Variants in IMMP2L observed in about 807,000 individuals in gnomAD.
IMMP2L encodes the protein inner mitochondrial membrane peptidase subunit 2.
A neutral mutation model predicts 19.3 loss-of-function variants in IMMP2L; 18 were observed. That is an observed-to-expected ratio of 0.93 (90% CI 0.64 to 1.38). The LOEUF (loss-of-function observed/expected upper bound fraction) is 1.38. Ranked by LOEUF, IMMP2L falls within the 40% of genes most tolerant of loss-of-function variation. The pLI is 0.00. For missense variants in IMMP2L, 233 were observed against 218.2 expected (o/e 1.07, Z -0.43); for synonymous variants, 76 against 73.0 (o/e 1.04, Z -0.21).
chr7:111,392,048 G>A, intron 3 of IMMP2L: 1 of 698,762 alleles, frequency 1.4e-6, no homozygotes, highest in Non-Finnish European at 2.6e-6. Context: ...TTCATTACCA[G>A]CTTGATTGCA....
At chr7:110,789,189 C>A (rs1050613370) in intron 5 of IMMP2L, among the ~76,000 whole-genome samples, 5 of 151,780 alleles carry the variant, frequency 3.3e-5, no homozygotes, top group African/African-American at 7.3e-5. Context: ...TGGGTCTTCC[C>A]AACCAAGGCT....
intron 3 of IMMP2L, among the ~76,000 whole-genome samples, chr7:111,452,031 C>T (rs1180148647): frequency 1.3e-5 from 2 of 152,028 alleles, no homozygotes; most frequent in Admixed American, 6.6e-5. Context: ...TTCCTACTGT[C>T]CTTCAGTGTA....
intron 5 of IMMP2L, among the ~76,000 whole-genome samples, chr7:110,750,858 CCAAA>C (rs1448808353): frequency 1.3e-5 from 2 of 151,802 alleles, no homozygotes; most frequent in Non-Finnish European, 2.9e-5. Context: ...CCTTAGTAAT[CCAAA>C]CAAACAATAT....
chr7:111,512,843 C>A (rs2132583787), intron 2 of IMMP2L, among the ~76,000 whole-genome samples: 1 of 152,116 alleles, frequency 6.6e-6, no homozygotes, highest in Non-Finnish European at 1.5e-5. Flanking sequence ...CAAGAACATA[C>A]AATGAGGAAA....
At chr7:111,087,974 T>C (rs1458677080) in intron 3 of IMMP2L, among the ~76,000 whole-genome samples, 1 of 152,168 alleles carries the variant, frequency 6.6e-6, no homozygotes, top group East Asian at 1.9e-4. Flanking sequence ...GATAATACTT[T>C]TAAACCAAGA....
At chr7:111,269,967 C>T (rs1818268198) in intron 3 of IMMP2L, among the ~76,000 whole-genome samples, 2 of 151,990 alleles carry the variant, frequency 1.3e-5, no homozygotes, top group African/African-American at 2.4e-5. Context: ...TCAGGGCAGG[C>T]ATCACTCTTT....
chr7:110,793,725 T>C (rs1584850688), intron 5 of IMMP2L, among the ~76,000 whole-genome samples: 1 of 152,056 alleles, frequency 6.6e-6, no homozygotes, highest in Non-Finnish European at 1.5e-5. Context: ...AGAGAGTAGA[T>C]TTTAGGTGTT....
chr7:111,044,852 G>C (rs1449238453), intron 3 of IMMP2L, among the ~76,000 whole-genome samples: 1 of 152,026 alleles, frequency 6.6e-6, no homozygotes, highest in Non-Finnish European at 1.5e-5. Context: ...TAGACAGTGG[G>C]TAGTTGACAA....
At chr7:110,706,578 GT>G (rs1355394962) in intron 5 of IMMP2L, among the ~76,000 whole-genome samples, 1 of 152,116 alleles carries the variant, frequency 6.6e-6, no homozygotes, top group East Asian at 1.9e-4. Flanking sequence ...TCTCACTGTG[GT>G]TTTGATGTGC....
At chr7:110,778,139 G>A (rs1799514688) in intron 5 of IMMP2L, among the ~76,000 whole-genome samples, 2 of 151,872 alleles carry the variant, frequency 1.3e-5, no homozygotes, top group Admixed American at 1.3e-4. Context: ...TCATACAAAA[G>A]TTTTCCAGTG....
At chr7:111,517,618 A>G (rs11972448) in intron 2 of IMMP2L, among the ~76,000 whole-genome samples, 3,037 of 152,220 alleles carry the variant, frequency 0.02, 103 homozygotes, top group African/African-American at 0.069. Context: ...TCATTAAACT[A>G]TTCCTAGGGC....
chr7:111,027,611 A>C (rs1826984336), intron 3 of IMMP2L, among the ~76,000 whole-genome samples: 1 of 152,038 alleles, frequency 6.6e-6, no homozygotes, highest in Admixed American at 6.6e-5. Context: ...GGAGGTACAC[A>C]GGGTAGAAAT....
At chr7:110,688,737 A>G (rs530040642) in intron 5 of IMMP2L, among the ~76,000 whole-genome samples, 3 of 152,212 alleles carry the variant, frequency 2.0e-5, no homozygotes, top group Admixed American at 6.5e-5. Context: ...AGATATATAT[A>G]GTATATTAAA....
intron 3 of IMMP2L, among the ~76,000 whole-genome samples, chr7:111,223,006 A>G (rs929353515): frequency 6.6e-6 from 1 of 152,064 alleles, no homozygotes; most frequent in African/African-American, 2.4e-5. Flanking sequence ...CATCAGAGTT[A>G]CATATATAAA....
chr7:111,219,647 A>G (rs1000782469), intron 3 of IMMP2L, among the ~76,000 whole-genome samples: 13 of 152,032 alleles, frequency 8.6e-5, no homozygotes, highest in African/African-American at 3.1e-4. Context: ...CTAATTTAAT[A>G]TGGCTGTCTT....
chr7:111,327,447 C>T (rs1025726650), intron 3 of IMMP2L, among the ~76,000 whole-genome samples: 2 of 151,682 alleles, frequency 1.3e-5, no homozygotes, highest in Non-Finnish European at 2.9e-5. Context: ...ACTCAACTCC[C>T]TTTGCTGCAT....
intron 3 of IMMP2L, among the ~76,000 whole-genome samples, chr7:111,238,088 A>G (rs1814553587): frequency 2.0e-5 from 3 of 152,036 alleles, no homozygotes; most frequent in Admixed American, 2.0e-4. Flanking sequence ...CCTATTCTCA[A>G]ACATTAAGGT....
chr7:111,298,967 A>G (rs1356049908), intron 3 of IMMP2L, among the ~76,000 whole-genome samples: 3 of 152,150 alleles, frequency 2.0e-5, no homozygotes, highest in Non-Finnish European at 4.4e-5. Context: ...ATAAGCAAAC[A>G]TAGTCTGTGC....
chr7:111,432,964 A>T (rs76456390), intron 3 of IMMP2L, among the ~76,000 whole-genome samples: 1 of 151,328 alleles, frequency 6.6e-6, no homozygotes, highest in Non-Finnish European at 1.5e-5. Context: ...ACAAAAAAAA[A>T]GAAAAAAAAA....
Sources: gnomAD v4.1 joint callset for allele counts (sites outside exome capture counted in the v4.1 genomes callset) on GRCh38, gnomAD v4.1.1 for gene constraint, MANE v1.5 for transcripts, NCBI Gene and HGNC (gene_info 2026-07-23, HGNC 2026-07-21) for gene names.